SMIM23: variants seen among roughly 807,000 people sequenced by gnomAD.
The protein encoded by SMIM23 is small integral membrane protein 23, also known as CTB-78H18.1.
Under a neutral mutation model 12.8 loss-of-function variants are expected in SMIM23, and 10 were observed. The ratio of observed to expected loss-of-function variants is 0.78; its 90% CI spans 0.48 to 1.32. SMIM23 has a LOEUF of 1.32. Ranked by LOEUF, SMIM23 falls within the 40% of genes most tolerant of loss-of-function variation. The pLI is 0.00. For synonymous variants in SMIM23, 78 were observed against 80.1 expected, an observed-to-expected ratio of 0.97 and a Z score of 0.14; for missense variants, 184 against 198.2, an observed-to-expected ratio of 0.93 and a Z score of 0.43.
the SMIM23 span, among the ~76,000 whole-genome samples, chr5:171,773,371 T>TTGAGGTCACTGGATCCCTTCCTC: frequency 6.7e-6 from 1 of 149,010 alleles, no homozygotes; most frequent in Middle Eastern, 3.2e-3. Context: ...TGCACGACCT[T>TTGAGGTCACTGGATCCCTTCCTC]TGAGGTCACT....
chr5:171,784,146 A>G (rs1266650013), upstream of SMIM23, among the ~76,000 whole-genome samples: 2 of 152,248 alleles, frequency 1.3e-5, no homozygotes, highest in Non-Finnish European at 2.9e-5. Context: ...ATTAGCTATC[A>G]GGGAAATACA....
intron 1 of SMIM23, 109 bp downstream of exon 1, chr5:171,786,085 T>C: frequency 1.2e-6 from 1 of 852,616 alleles, no homozygotes; most frequent in Non-Finnish European, 1.9e-6. Context: ...GACCCAACCG[T>C]CCCTGGATCC....
At chr5:171,786,045 G>A in intron 1 of SMIM23, 69 bp downstream of exon 1, 1 of 1,265,072 alleles carries the variant, frequency 7.9e-7, no homozygotes, top group South Asian at 1.3e-5. Context: ...AGACAGACTA[G>A]AAGTCCCTCA....
chr5:171,776,861 C>A, the SMIM23 span, among the ~76,000 whole-genome samples: 9 of 152,198 alleles, frequency 5.9e-5, no homozygotes, highest in African/African-American at 1.4e-4. Context: ...CACACTCCAA[C>A]CTTTTCCAGT....
upstream of SMIM23, among the ~76,000 whole-genome samples, chr5:171,782,070 AGCTTTGTTGTTT>A (rs1755738288): frequency 1.3e-5 from 2 of 152,198 alleles, no homozygotes; most frequent in African/African-American, 4.8e-5. Context: ...AGGTTGTGGA[AGCTTTGTTGTTT>A]CGCTCTTCAC....
upstream of SMIM23, among the ~76,000 whole-genome samples, chr5:171,784,928 A>G (rs556937791): frequency 6.6e-6 from 1 of 152,328 alleles, no homozygotes; most frequent in Admixed American, 6.5e-5. Flanking sequence ...TTTAAAGCCA[A>G]TCCCCAAAGG....
chr5:171,779,866 G>A (rs1755699816), upstream of SMIM23, among the ~76,000 whole-genome samples: 1 of 151,646 alleles, frequency 6.6e-6, no homozygotes, highest in Non-Finnish European at 1.5e-5. Flanking sequence ...AGAGAGAGAG[G>A]GAGAAGGGGG....
At chr5:171,787,457 C>A (rs702076) in intron 1 of SMIM23, among the ~76,000 whole-genome samples, 1,702 of 152,310 alleles carry the variant, frequency 0.011, 36 homozygotes, top group African/African-American at 0.039. Context: ...CTCCCTTTGC[C>A]TCCATGCAGC....
chr5:171,779,070 G>T (rs150192609), upstream of SMIM23, among the ~76,000 whole-genome samples: 1 of 152,190 alleles, frequency 6.6e-6, no homozygotes, highest in Non-Finnish European at 1.5e-5. Context: ...GACAAGCCTC[G>T]TTTGAGCACA....
the SMIM23 span, among the ~76,000 whole-genome samples, chr5:171,776,917 G>GGT: frequency 6.6e-6 from 1 of 152,174 alleles, no homozygotes; most frequent in Non-Finnish European, 1.5e-5. Flanking sequence ...GAAGGGCCCA[G>GGT]GTGCCTGAGG....
chr5:171,789,580 A>G (rs558658267), intron 1 of SMIM23, among the ~76,000 whole-genome samples: 1 of 152,362 alleles, frequency 6.6e-6, no homozygotes, highest in South Asian at 2.1e-4. Context: ...ATATAAAATA[A>G]ATACTCATCA....
chr5:171,775,553 G>GT, the SMIM23 span, among the ~76,000 whole-genome samples: 1 of 152,120 alleles, frequency 6.6e-6, no homozygotes, highest in Non-Finnish European at 1.5e-5. Flanking sequence ...TTGACTTACC[G>GT]TAAGTGCCTC....
At chr5:171,774,470 C>T in the SMIM23 span, 1 of 456,322 alleles carries the variant, frequency 2.2e-6, no homozygotes, top group East Asian at 6.9e-5. Flanking sequence ...CTCCCCCAAT[C>T]CCCATGGGCC....
upstream of SMIM23, among the ~76,000 whole-genome samples, chr5:171,781,844 A>C (rs1294102609): frequency 2.0e-5 from 3 of 152,138 alleles, no homozygotes; most frequent in Non-Finnish European, 4.4e-5. Context: ...TAAAAGCACC[A>C]ATCAGCACTC....
intron 3 of SMIM23, 43 bp downstream of exon 3, chr5:171,790,592 G>A: frequency 1.3e-6 from 2 of 1,522,136 alleles, no homozygotes; most frequent in Non-Finnish European, 1.8e-6. Context: ...AATCTGGGAA[G>A]GCTTTCCAGA....
upstream of SMIM23, among the ~76,000 whole-genome samples, chr5:171,781,328 C>G (rs1418378845): frequency 6.6e-6 from 1 of 152,168 alleles, no homozygotes; most frequent in Non-Finnish European, 1.5e-5. Context: ...CACATGTATA[C>G]TAAGGAGCAG....
At chr5:171,773,772 A>G in the SMIM23 span, 24 of 456,212 alleles carry the variant, frequency 5.3e-5, no homozygotes, top group Admixed American at 4.9e-4. Context: ...AACATAGGTC[A>G]TTGTGGCCAG....
At chr5:171,782,960 G>A (rs1188407527), upstream of SMIM23, among the ~76,000 whole-genome samples, 1 of 152,196 alleles carries the variant, frequency 6.6e-6, no homozygotes, top group African/African-American at 2.4e-5. Context: ...AGCTCTGTAT[G>A]TGGAACTTTG....
At chr5:171,775,925 T>G in the SMIM23 span, among the ~76,000 whole-genome samples, 1 of 152,118 alleles carries the variant, frequency 6.6e-6, no homozygotes. Flanking sequence ...CAGGCTGGAG[T>G]GCAATGTGTG....
Sources: gnomAD v4.1 joint callset for allele counts (sites outside exome capture counted in the v4.1 genomes callset) on GRCh38, gnomAD v4.1.1 for gene constraint, MANE v1.5 for transcripts, NCBI Gene and HGNC (gene_info 2026-07-23, HGNC 2026-07-21) for gene names.